Variants in FRMD3 observed in about 807,000 individuals in gnomAD.
FRMD3 encodes the protein FERM domain containing 3.
FRMD3 carries 33 observed loss-of-function variants against 70.2 expected under a neutral mutation model. The observed-to-expected ratio is 0.47, with a 90% CI of 0.36 to 0.63. The LOEUF is 0.63. Among genes scored for constraint, FRMD3 ranks in the 20% least tolerant of loss-of-function variants. The pLI, the probability that FRMD3 is intolerant of heterozygous loss-of-function variation, is 0.00. For synonymous variants in FRMD3, 279 were observed against 255.9 expected (o/e 1.09, Z -0.86); for missense variants, 632 against 711.4 (o/e 0.89, Z 1.27).
the FRMD3 span, among the ~76,000 whole-genome samples, chr9:83,580,943 C>T: frequency 1.3e-5 from 2 of 151,274 alleles, no homozygotes; most frequent in African/African-American, 2.4e-5. Flanking sequence ...CAGAAGAAAA[C>T]AAAGCATAAT....
intron 6 of FRMD3, among the ~76,000 whole-genome samples, chr9:83,317,205 C>CACACACAT (rs1470515069): frequency 4.6e-5 from 7 of 151,780 alleles, no homozygotes; most frequent in African/African-American, 1.5e-4. Context: ...CACACACACA[C>CACACACAT]ACACACACAC....
At chr9:83,316,754 C>A (rs1835594749) in intron 6 of FRMD3, among the ~76,000 whole-genome samples, 2 of 152,086 alleles carry the variant, frequency 1.3e-5, no homozygotes, top group African/African-American at 4.8e-5. Context: ...GATAAAGTAA[C>A]AATGGACTCA....
rs1003891692 is a variant in FRMD3 at position 83,245,461 on chromosome 9, A to ACTT, written c.*2454_*2456dup. The ACTT allele has an allele frequency of 1.0e-6, 1 of 985,022 alleles. No homozygotes were observed. Among genetic ancestry groups the ACTT allele is most frequent in the Non-Finnish European group, 1.2e-6 (1 of 829,584 alleles). 61.0% of individuals were successfully genotyped at this position (985,022 alleles called of 1,614,324 possible). On this transcript the variant is annotated 3_prime_UTR_variant, in exon 14 of 14. Transcript: ENST00000304195. ...AAATTCAGCAGACCCTATTCTGTCA[A>ACTT]CTTCTTCACTTAAAAACATTTCTAT...
chr9:83,408,634 T>A (rs1454529985), intron 1 of FRMD3, among the ~76,000 whole-genome samples: 3 of 152,234 alleles, frequency 2.0e-5, no homozygotes, highest in Non-Finnish European at 4.4e-5. Flanking sequence ...GATTACTGTA[T>A]CTCTTCCAGC....
intron 1 of FRMD3, among the ~76,000 whole-genome samples, chr9:83,396,087 A>G (rs541590598): frequency 6.6e-6 from 1 of 152,372 alleles, no homozygotes; most frequent in Non-Finnish European, 1.5e-5. Context: ...AAATGAACTC[A>G]GAAATTCTGT....
chr9:83,481,072 G>T (rs1828557739), intron 1 of FRMD3, among the ~76,000 whole-genome samples: 1 of 152,166 alleles, frequency 6.6e-6, no homozygotes, highest in Non-Finnish European at 1.5e-5. Flanking sequence ...GAAAAGCAAA[G>T]GAATGATGAA....
chr9:83,570,155 T>C, the FRMD3 span, among the ~76,000 whole-genome samples: 1 of 152,344 alleles, frequency 6.6e-6, no homozygotes, highest in Admixed American at 6.5e-5. Context: ...ATCTACTGTA[T>C]GTCAGGCACT....
chr9:83,385,254 C>T (rs1022976825), intron 2 of FRMD3, among the ~76,000 whole-genome samples: 3 of 152,008 alleles, frequency 2.0e-5, no homozygotes, highest in African/African-American at 7.2e-5. Context: ...GACTTATTGT[C>T]CCAGTTTTCT....
At chr9:83,543,809 C>T in the FRMD3 span, among the ~76,000 whole-genome samples, 6 of 152,196 alleles carry the variant, frequency 3.9e-5, no homozygotes, top group African/African-American at 9.6e-5. Flanking sequence ...CTTTCAACAG[C>T]GACATGGGCA....
At chr9:83,332,215 C>T (rs560873491) in intron 6 of FRMD3, among the ~76,000 whole-genome samples, 1 of 152,310 alleles carries the variant, frequency 6.6e-6, no homozygotes, top group South Asian at 2.1e-4. Flanking sequence ...AAGACTGTTG[C>T]TTCTCCCTAT....
chr9:83,260,120 T>C (rs953596909), intron 13 of FRMD3, among the ~76,000 whole-genome samples: 1 of 152,184 alleles, frequency 6.6e-6, no homozygotes, highest in Non-Finnish European at 1.5e-5. Context: ...TCTTAGACTA[T>C]GTCTGTCCAT....
chr9:83,524,033 C>T (rs1366772281), intron 1 of FRMD3, among the ~76,000 whole-genome samples: 2 of 152,312 alleles, frequency 1.3e-5, no homozygotes, highest in East Asian at 3.9e-4. Context: ...CTGCCTAAGC[C>T]TTCAAAACAG....
rs869226126 is a variant in FRMD3, at chr9:83,423,585, CTTTTTTTTTT to C, written c.148-33887_148-33878del. Among the ~76,000 whole-genome samples the C allele has an allele frequency of 2.3e-4, 14 of 60,480 alleles. No homozygotes were observed. The East Asian group carries it at 4.6e-3, about 20-fold the overall frequency. 39.7% of individuals were successfully genotyped at this position (60,480 alleles called of 152,430 possible). A position where few individuals can be genotyped will look rare whatever the true frequency, so the allele number is the denominator to read the frequency against. On this transcript the variant is annotated intron_variant, in intron 1 of 13. Transcript: ENST00000304195. The stretch of plus-strand genomic sequence containing the variant: ...TTCCCTAGTTGCACTAGCCCTGTTT[CTTTTTTTTTT>C]TTTTTTTTTTTTTTTTTTGAGATGG...
intron 1 of FRMD3, among the ~76,000 whole-genome samples, chr9:83,535,372 T>A (rs1587537943): frequency 6.6e-6 from 1 of 152,194 alleles, no homozygotes; most frequent in African/African-American, 2.4e-5. Flanking sequence ...AATGCTTACC[T>A]ACTAGAGAAC....
At chr9:83,406,783 A>T (rs1197730242) in intron 1 of FRMD3, among the ~76,000 whole-genome samples, 1 of 152,248 alleles carries the variant, frequency 6.6e-6, no homozygotes, top group Admixed American at 6.5e-5. Context: ...GAGAGCAGAG[A>T]AATCCAGAAA....
At chr9:83,522,564 T>C (rs565503495) in intron 1 of FRMD3, among the ~76,000 whole-genome samples, 122 of 107,900 alleles carry the variant, frequency 1.1e-3, no homozygotes, top group Admixed American at 2.3e-3. Context: ...TATATATATA[T>C]AATTTTTTTT....
intron 1 of FRMD3, among the ~76,000 whole-genome samples, chr9:83,394,829 G>A (rs1318067510): frequency 6.6e-6 from 1 of 152,122 alleles, no homozygotes; most frequent in Non-Finnish European, 1.5e-5. Context: ...GAAAACAGAA[G>A]ATGCCACTGT....
At chr9:83,316,324 A>G (rs970783318) in intron 6 of FRMD3, among the ~76,000 whole-genome samples, 9 of 151,766 alleles carry the variant, frequency 5.9e-5, no homozygotes, top group Admixed American at 5.2e-4. Context: ...ACACCCAGCT[A>G]ATTTTTGTTT....
intron 1 of FRMD3, among the ~76,000 whole-genome samples, chr9:83,450,230 G>GACACACAC (rs954614825): frequency 7.1e-6 from 1 of 141,714 alleles, no homozygotes; most frequent in Admixed American, 7.0e-5. Flanking sequence ...CACACACACA[G>GACACACAC]ACACACACAC....
Sources: allele counts gnomAD v4.1 joint callset (sites outside exome capture counted in the v4.1 genomes callset), GRCh38; gene constraint gnomAD v4.1.1; transcripts MANE v1.5; gene names NCBI Gene and HGNC (gene_info 2026-07-23, HGNC 2026-07-21).